The following STK33 variants were observed in gnomAD, a reference collection of about 807,000 sequenced individuals.
STK33 encodes the protein serine/threonine kinase 33, also known as serine/threonine-protein kinase 33.
A neutral mutation model predicts 58.0 loss-of-function variants in STK33; 52 were observed. That is an observed-to-expected ratio of 0.90 (90% confidence interval 0.72 to 1.13). The LOEUF (loss-of-function observed/expected upper bound fraction) is 1.13, where lower values mean the gene tolerates loss of function less well. Among genes scored for constraint, STK33 ranks in the 50% most tolerant of loss-of-function variants. The pLI, the probability that STK33 is intolerant of heterozygous loss-of-function variation, is 0.00. For missense variants in STK33, 630 were observed against 604.2 expected (o/e 1.04, Z -0.45); for synonymous variants, 215 against 200.1 (o/e 1.07, Z -0.63).
intron 11 of STK33, among the ~76,000 whole-genome samples, chr11:8,449,969 T>A (rs1005375205): frequency 6.6e-6 from 1 of 152,174 alleles, no homozygotes. Context: ...TGCAAATTAG[T>A]TCAACCATTG....
downstream of STK33, chr11:8,391,838 A>G (rs970252115): frequency 1.3e-5 from 2 of 152,836 alleles, no homozygotes; most frequent in African/African-American, 4.8e-5. Flanking sequence ...GGACCTTATT[A>G]TATTCACCTC....
At chr11:8,503,337 G>C (rs1288241851) in intron 1 of STK33, among the ~76,000 whole-genome samples, 1 of 152,132 alleles carries the variant, frequency 6.6e-6, no homozygotes, top group Non-Finnish European at 1.5e-5. Context: ...TGGATTGGAG[G>C]CCATTATCCT....
At chr11:8,443,516 T>C (rs1945025373) in intron 11 of STK33, among the ~76,000 whole-genome samples, 1 of 151,958 alleles carries the variant, frequency 6.6e-6, no homozygotes, top group Admixed American at 6.6e-5. Flanking sequence ...TAAAAACACT[T>C]ATAAATAATT....
chr11:8,371,606 T>TCTCG, the STK33 span, among the ~76,000 whole-genome samples: 12 of 149,160 alleles, frequency 8.0e-5, no homozygotes, highest in African/African-American at 3.0e-4. Flanking sequence ...TTCCTTTCTC[T>TCTCG]TTCTTTCTCT....
chr11:8,473,428 C>G lies in STK33; in HGVS notation c.226-152G>C. ...TTTACTGTCTTTTTCAAATTCTAAG[C>G]CCTATGCAATTCATTGGCTCATTAG... On this transcript the variant is annotated intron_variant, in intron 5 of 15. Transcript: ENST00000687296. 5.1e-6 allele frequency: 3 copies of G among 593,228 alleles called. No homozygotes were observed. The South Asian group carries it at 6.8e-5, about 14-fold the overall frequency. 36.7% of individuals were successfully genotyped at this position (593,228 alleles called of 1,614,324 possible).
At chr11:8,335,583 G>A in the STK33 span, among the ~76,000 whole-genome samples, 1 of 152,142 alleles carries the variant, frequency 6.6e-6, no homozygotes, top group African/African-American at 2.4e-5. Flanking sequence ...TAACATAGAC[G>A]CCTCAAACTT....
chr11:8,408,474 T>C lies in STK33; in HGVS notation c.1344+5021A>G, dbSNP rs1475345757. ...AAAAGCTCTTGTGTGGGAGTAGAAGTAGGGACAAAATATCCCCTTAGAACA... is the reference window on the plus strand; with the variant it reads ...AAAAGCTCTTGTGTGGGAGTAGAAGCAGGGACAAAATATCCCCTTAGAACA... On this transcript the variant is annotated intron_variant, in intron 15 of 15. Coordinates refer to ENST00000687296, the MANE Select transcript of STK33 (RefSeq NM_001352389.2). 3.9e-5 allele frequency among the ~76,000 whole-genome samples: 6 copies of C among 152,196 alleles called. No homozygotes were observed. The East Asian group carries it at 1.2e-3, about 29-fold the overall frequency.
At chr11:8,338,795 T>C in the STK33 span, among the ~76,000 whole-genome samples, 1 of 152,150 alleles carries the variant, frequency 6.6e-6, no homozygotes, top group Non-Finnish European at 1.5e-5. Context: ...AATGGCCTTC[T>C]CATGTGTCCC....
chr11:8,385,504 G>T, the STK33 span, among the ~76,000 whole-genome samples: 1 of 152,170 alleles, frequency 6.6e-6, no homozygotes, highest in Non-Finnish European at 1.5e-5. Flanking sequence ...CTTCCTTAGA[G>T]AGGCTTTCCA....
At chr11:8,389,152 C>A (rs1848584519), downstream of STK33, among the ~76,000 whole-genome samples, 1 of 152,186 alleles carries the variant, frequency 6.6e-6, no homozygotes. Flanking sequence ...GGAAAACCCA[C>A]AAAGGAAGAC....
intron 12 of STK33, 86 bp from the exon 13 acceptor site, chr11:8,436,225 T>C: frequency 1.5e-6 from 1 of 684,228 alleles, no homozygotes; most frequent in Non-Finnish European, 2.3e-6. Context: ...GACTTGGAAG[T>C]AGTGTTGCTT....
intron 2 of STK33, among the ~76,000 whole-genome samples, 164 bp downstream of exon 2, chr11:8,480,246 T>C (rs766767654): frequency 4.6e-5 from 7 of 152,176 alleles, no homozygotes; most frequent in Non-Finnish European, 8.8e-5. Context: ...GAGTAGAGGC[T>C]GGAGCATCAG....
rs150095375 is a variant in STK33, at chr11:8,557,286, G to GAAGGGAAGGGAGAGGAGAGAA, written c.-466+36796_-466+36797insTTCTCTCCTCTCCCTTCCCTT. ...GGAGGGGAGGGGAGGGGAGGGGAGG[G>GAAGGGAAGGGAGAGGAGAGAA]GAGGAGAGAAGAGGAGAGGGAGGAG... is the stretch of plus-strand genomic sequence containing the variant. On this transcript the variant is annotated intron_variant, in intron 1 of 15. Transcript: ENST00000687296. 1.5e-3 allele frequency among the ~76,000 whole-genome samples: 50 copies of GAAGGGAAGGGAGAGGAGAGAA among 34,292 alleles called. 4 individuals are homozygous for GAAGGGAAGGGAGAGGAGAGAA. The highest frequency in any genetic ancestry group is 2.2e-3 in the Admixed American group (8 of 3,612). The allele number at this position is 34,292 out of a possible 152,430, so 22.5% of individuals were successfully genotyped here. A position where few individuals can be genotyped will look rare whatever the true frequency, so the allele number is the denominator to read the frequency against.
chr11:8,464,601 G>A (rs1370542647), intron 7 of STK33, 108 bp downstream of exon 7: 1 of 695,988 alleles, frequency 1.4e-6, no homozygotes, highest in African/African-American at 1.8e-5. Flanking sequence ...GCCCAGGCCT[G>A]GGACCTCAGG....
chr11:8,572,029 T>A lies in STK33; in HGVS notation c.-466+22054A>T, dbSNP rs150192426. ...TTAAATTAAAATTAAATTTTAATTT[T>A]AAAAAATAAATTAATTAATTAATTA... On this transcript the variant is annotated intron_variant, in intron 1 of 15. Coordinates refer to ENST00000687296, the MANE Select transcript of STK33 (RefSeq NM_001352389.2). Among the ~76,000 whole-genome samples, 178 of 91,668 alleles carry A rather than the reference T, an allele frequency of 1.9e-3. 6 individuals carry two copies. The highest frequency in any genetic ancestry group is 6.1e-3 in the African/African-American group (88 of 14,530). The allele number at this position is 91,668 out of a possible 152,430, so 60.1% of individuals were successfully genotyped here.
At chr11:8,450,581 T>TA (rs1009930129) in intron 11 of STK33, among the ~76,000 whole-genome samples, 7 of 151,536 alleles carry the variant, frequency 4.6e-5, no homozygotes, top group African/African-American at 1.7e-4. Flanking sequence ...ATGATCATAA[T>TA]AAAAAAAGTT....
At chr11:8,535,864 A>T (rs1430896374) in intron 1 of STK33, among the ~76,000 whole-genome samples, 1 of 152,202 alleles carries the variant, frequency 6.6e-6, no homozygotes, top group Non-Finnish European at 1.5e-5. Flanking sequence ...TGAATAGATA[A>T]AGAAAATGTG....
chr11:8,396,547 G>A (rs1017289585), intron 15 of STK33, among the ~76,000 whole-genome samples: 2 of 152,246 alleles, frequency 1.3e-5, no homozygotes, highest in Non-Finnish European at 2.9e-5. Flanking sequence ...CTCCCAGCGT[G>A]AGTGACGCAG....
At chr11:8,409,163 A>C (rs1485785593) in intron 15 of STK33, among the ~76,000 whole-genome samples, 1 of 152,234 alleles carries the variant, frequency 6.6e-6, no homozygotes, top group African/African-American at 2.4e-5. Flanking sequence ...ACTATACAAC[A>C]AACAACTGCA....
Sources: allele counts gnomAD v4.1 joint callset (sites outside exome capture counted in the v4.1 genomes callset), GRCh38; gene constraint gnomAD v4.1.1; transcripts MANE v1.5; gene names NCBI Gene and HGNC (gene_info 2026-07-23, HGNC 2026-07-21).